The following KATNBL1 variants were observed in gnomAD, a reference collection of about 807,000 sequenced individuals.
KATNBL1 encodes the protein katanin regulatory subunit B1 like 1.
In KATNBL1, 28 loss-of-function variants were observed where a neutral mutation model predicts 44.7. That is an observed-to-expected ratio of 0.63 (90% CI 0.46 to 0.86). KATNBL1 has a LOEUF of 0.86. Among genes scored for constraint, KATNBL1 ranks in the 40% least tolerant of loss-of-function variants. The probability of loss-of-function intolerance (pLI) is 0.00; values close to 1 mark genes in which losing one functional copy is unlikely to be tolerated. For missense variants in KATNBL1, 272 were observed against 350.7 expected (o/e 0.78, Z 1.79); for synonymous variants, 78 against 114.9 (o/e 0.68, Z 2.06).
intron 2 of KATNBL1, among the ~76,000 whole-genome samples, chr15:34,158,967 A>G (rs1055387782): frequency 6.6e-6 from 1 of 152,202 alleles, no homozygotes; most frequent in Non-Finnish European, 1.5e-5. Flanking sequence ...TTGGATTCTC[A>G]GTCAGGAAAC....
intron 1 of KATNBL1, among the ~76,000 whole-genome samples, chr15:34,183,761 A>G (rs1889630885): frequency 6.6e-6 from 1 of 152,252 alleles, no homozygotes; most frequent in South Asian, 2.1e-4. Flanking sequence ...TTGGCAGAGT[A>G]CTAACATTAG....
intron 1 of KATNBL1, among the ~76,000 whole-genome samples, chr15:34,169,707 C>T (rs1464140513): frequency 6.6e-6 from 1 of 152,150 alleles, no homozygotes; most frequent in South Asian, 2.1e-4. Flanking sequence ...ACTGGCAAAC[C>T]GAATCCAGCA....
rs1889362239 is a variant in KATNBL1 at position 34,177,278 on chromosome 15, G to C, written c.-14-13588C>G. 2.0e-5 allele frequency among the ~76,000 whole-genome samples: 3 copies of C among 152,254 alleles called. 1 individual carries two copies. In the South Asian group the frequency reaches 6.2e-4, roughly 32 times the overall value. On this transcript the variant is annotated intron_variant, in intron 1 of 9. Transcript: ENST00000256544. ...AGGGATAAATTCTCTTTACATAGTAGCTGTCACCTACCAGAAAAATGAAAA... is the reference window on the plus strand; with the variant it reads ...AGGGATAAATTCTCTTTACATAGTACCTGTCACCTACCAGAAAAATGAAAA...
chr15:34,188,056 T>C (rs973818387), intron 1 of KATNBL1, among the ~76,000 whole-genome samples: 1 of 140,492 alleles, frequency 7.1e-6, no homozygotes, highest in East Asian at 2.1e-4. Context: ...AGAGAATCGC[T>C]TGAACCTGGG....
intron 1 of KATNBL1, among the ~76,000 whole-genome samples, chr15:34,183,280 G>A (rs952135489): frequency 3.9e-5 from 6 of 152,208 alleles, no homozygotes; most frequent in Admixed American, 1.3e-4. Flanking sequence ...ATGATGTGGG[G>A]TAAGTGCTGT....
In KATNBL1 at chr15:34,172,768, C is replaced by G. The variant is rs868339518; in HGVS notation, c.-14-9078G>C. Among the ~76,000 whole-genome samples, 24 of 117,042 alleles carry G rather than the reference C, an allele frequency of 2.1e-4. 1 individual carries two copies. The highest frequency in any genetic ancestry group is 6.2e-4 in the Admixed American group (8 of 12,920). The allele number at this position is 117,042 out of a possible 152,430, so 76.8% of individuals were successfully genotyped here. ...ATAGACACACAGACACAGACACACACACACACACACACACACACACACACA... is the reference window on the plus strand; with the variant it reads ...ATAGACACACAGACACAGACACACAGACACACACACACACACACACACACA... On this transcript the variant is annotated intron_variant, in intron 1 of 9. Transcript: ENST00000256544.
At chr15:34,176,113 G>A (rs1420944388) in intron 1 of KATNBL1, among the ~76,000 whole-genome samples, 7 of 152,070 alleles carry the variant, frequency 4.6e-5, no homozygotes, top group East Asian at 3.9e-4. Flanking sequence ...GGTGGCTCAC[G>A]CCTGTAATAC....
intron 9 of KATNBL1, 73 bp downstream of exon 9, chr15:34,145,325 A>G: frequency 7.6e-7 from 1 of 1,320,702 alleles, no homozygotes. Flanking sequence ...TAGAGACTTG[A>G]AAATTAATTT....
chr15:34,197,640 C>T (rs1890060836), intron 1 of KATNBL1, among the ~76,000 whole-genome samples: 1 of 152,232 alleles, frequency 6.6e-6, no homozygotes, highest in Non-Finnish European at 1.5e-5. Context: ...TATTACATTC[C>T]TTTTTTCTGT....
intron 1 of KATNBL1, among the ~76,000 whole-genome samples, chr15:34,198,680 A>C (rs1890089010): frequency 6.6e-6 from 1 of 152,198 alleles, no homozygotes; most frequent in African/African-American, 2.4e-5. Context: ...ACAACAAAAA[A>C]CCCATAGTTT....
intron 3 of KATNBL1, among the ~76,000 whole-genome samples, chr15:34,154,107 CCATT>C (rs1429412870): frequency 6.6e-6 from 1 of 152,208 alleles, no homozygotes; most frequent in Non-Finnish European, 1.5e-5. Flanking sequence ...TTCTGCTTCT[CCATT>C]CAATCTACTG....
chr15:34,204,093 T>C (rs1451096450), intron 1 of KATNBL1, among the ~76,000 whole-genome samples: 1 of 148,702 alleles, frequency 6.7e-6, no homozygotes, highest in East Asian at 2.0e-4. Flanking sequence ...CATCAACAGG[T>C]AACCAACAAC....
chr15:34,175,698 G>T (rs1378295191), intron 1 of KATNBL1, among the ~76,000 whole-genome samples: 1 of 152,224 alleles, frequency 6.6e-6, no homozygotes, highest in African/African-American at 2.4e-5. Flanking sequence ...TGAGAAAGAT[G>T]TGGAAGAACT....
At chr15:34,203,012 A>T (rs191094516) in intron 1 of KATNBL1, among the ~76,000 whole-genome samples, 119 of 152,258 alleles carry the variant, frequency 7.8e-4, no homozygotes, top group Middle Eastern at 3.4e-3. Flanking sequence ...ATAAATAAAT[A>T]AAATCTCTCA....
At chr15:34,189,828 T>C (rs987871013) in intron 1 of KATNBL1, among the ~76,000 whole-genome samples, 2 of 152,238 alleles carry the variant, frequency 1.3e-5, no homozygotes, top group African/African-American at 4.8e-5. Flanking sequence ...CCTTTGTATG[T>C]TTCAGTACTG....
chr15:34,171,285 A>C (rs1889151270), intron 1 of KATNBL1, among the ~76,000 whole-genome samples: 2 of 152,246 alleles, frequency 1.3e-5, no homozygotes, highest in Admixed American at 1.3e-4. Flanking sequence ...GGATATGAAC[A>C]GACACATCTC....
At chr15:34,169,848 T>C (rs907973050) in intron 1 of KATNBL1, among the ~76,000 whole-genome samples, 1 of 152,170 alleles carries the variant, frequency 6.6e-6, no homozygotes, top group Non-Finnish European at 1.5e-5. Context: ...CACATGATTA[T>C]CTCAATAGAT....
At chr15:34,151,719 T>C (rs1054820960) in intron 4 of KATNBL1, among the ~76,000 whole-genome samples, 1 of 152,036 alleles carries the variant, frequency 6.6e-6, no homozygotes, top group Non-Finnish European at 1.5e-5. Flanking sequence ...CCACCATGCC[T>C]AGCTAATTTT....
chr15:34,168,090 A>G (rs1282948369), intron 1 of KATNBL1, among the ~76,000 whole-genome samples: 1 of 152,234 alleles, frequency 6.6e-6, no homozygotes. Flanking sequence ...ACATAACAGC[A>G]TTAACCTTAA....
Sources: gnomAD v4.1 joint callset for allele counts (sites outside exome capture counted in the v4.1 genomes callset) on GRCh38, gnomAD v4.1.1 for gene constraint, MANE v1.5 for transcripts, NCBI Gene and HGNC (gene_info 2026-07-23, HGNC 2026-07-21) for gene names.